FBXO11: variants seen among roughly 807,000 people sequenced by gnomAD.
FBXO11 encodes the protein F-box only protein 11.
A neutral mutation model predicts 117.0 loss-of-function variants in FBXO11; 13 were observed. That is an observed-to-expected ratio of 0.11 (90% CI 0.07 to 0.18). The LOEUF (loss-of-function observed/expected upper bound fraction) is 0.18, where lower values mean the gene tolerates loss of function less well. Ranked by LOEUF, FBXO11 falls within the 10% of genes least tolerant of loss-of-function variation. The pLI, the probability that FBXO11 is intolerant of heterozygous loss-of-function variation, is 1.00. For synonymous variants in FBXO11, 490 were observed against 380.5 expected (o/e 1.29, Z -3.35); for missense variants, 767 against 1,164.4 (o/e 0.66, Z 4.97).
chr2:47,848,243 T>G (rs573373605), intron 1 of FBXO11, among the ~76,000 whole-genome samples: 45 of 152,270 alleles, frequency 3.0e-4, no homozygotes, highest in African/African-American at 1.0e-3. Context: ...AGTTAGGAAC[T>G]GGGCCACCCA....
chr2:47,807,975 C>T lies in FBXO11; in HGVS notation c.*143G>A. 1.4e-6 allele frequency: 1 copy of T among 736,372 alleles called. No homozygotes were observed. 45.6% of individuals were successfully genotyped at this position (736,372 alleles called of 1,614,324 possible). Reference sequence around the variant, plus strand: ...GCCACTTTCTTTTTGGTAGCTTGAGCTTCATAGTGTCAACTGACCTTGTGT... The same window carrying T: ...GCCACTTTCTTTTTGGTAGCTTGAGTTTCATAGTGTCAACTGACCTTGTGT... On this transcript the variant is annotated 3_prime_UTR_variant, in exon 23 of 23. Transcript: ENST00000403359.
At chr2:47,838,025 A>C (rs1672722495) in intron 4 of FBXO11, among the ~76,000 whole-genome samples, 1 of 151,464 alleles carries the variant, frequency 6.6e-6, no homozygotes, top group African/African-American at 2.4e-5. Context: ...CAGGAGTTCA[A>C]GATCAGACTG....
At chr2:47,899,152 T>C (rs1321558749) in intron 1 of FBXO11, among the ~76,000 whole-genome samples, 1 of 151,482 alleles carries the variant, frequency 6.6e-6, no homozygotes, top group Non-Finnish European at 1.5e-5. Flanking sequence ...TGGGCACCTG[T>C]AGTCCCAGCT....
At chr2:47,876,684 A>T (rs1488716769) in intron 1 of FBXO11, among the ~76,000 whole-genome samples, 3 of 152,050 alleles carry the variant, frequency 2.0e-5, no homozygotes, top group South Asian at 4.2e-4. Flanking sequence ...ATGTTTTATG[A>T]TCTGCAATTT....
chr2:47,809,047 CAGTT>C (rs892614307), intron 21 of FBXO11, 107 bp downstream of exon 21: 5 of 619,958 alleles, frequency 8.1e-6, no homozygotes, highest in African/African-American at 3.8e-5. Flanking sequence ...ATAAAATTTT[CAGTT>C]AGTTATAGTC....
chr2:47,824,204 A>G (rs1424653135), intron 11 of FBXO11, among the ~76,000 whole-genome samples: 1 of 152,224 alleles, frequency 6.6e-6, no homozygotes, highest in Non-Finnish European at 1.5e-5. Context: ...ATGTCCCAAC[A>G]AGTCAGCTTC....
chr2:47,873,044 G>C (rs1051586114), intron 1 of FBXO11, among the ~76,000 whole-genome samples: 4 of 152,142 alleles, frequency 2.6e-5, no homozygotes, highest in Admixed American at 1.3e-4. Context: ...TGCTATTGTA[G>C]AGTAATAAAG....
At chr2:47,846,669 T>C (rs1673434537) in intron 1 of FBXO11, among the ~76,000 whole-genome samples, 1 of 152,104 alleles carries the variant, frequency 6.6e-6, no homozygotes, top group Non-Finnish European at 1.5e-5. Flanking sequence ...GCAATCCACA[T>C]ATGTAATTTA....
At chr2:47,809,400 G>GTAAGAA in intron 20 of FBXO11, 134 bp from the exon 21 acceptor site, 1 of 688,694 alleles carries the variant, frequency 1.5e-6, no homozygotes, top group South Asian at 2.1e-5. Flanking sequence ...TGAAGTAATT[G>GTAAGAA]TAAGAAATCA....
intron 11 of FBXO11, among the ~76,000 whole-genome samples, chr2:47,827,522 G>T (rs981982146): frequency 1.3e-5 from 2 of 152,052 alleles, no homozygotes; most frequent in Admixed American, 1.3e-4. Flanking sequence ...GGCCAGGATG[G>T]TCTGGAACTC....
At chr2:47,844,547 T>C (rs2104903760) in intron 1 of FBXO11, among the ~76,000 whole-genome samples, 1 of 152,358 alleles carries the variant, frequency 6.6e-6, no homozygotes, top group East Asian at 1.9e-4. Context: ...CTTACTGTTC[T>C]GATTTTATTT....
chr2:47,811,980 CATTTT>C (rs1275242839), intron 18 of FBXO11, among the ~76,000 whole-genome samples: 3 of 149,894 alleles, frequency 2.0e-5, no homozygotes, highest in East Asian at 4.0e-4. Context: ...CTTATGCTAT[CATTTT>C]AGTTTAGGCT....
At chr2:47,844,291 T>C (rs540141111) in intron 1 of FBXO11, among the ~76,000 whole-genome samples, 14 of 152,350 alleles carry the variant, frequency 9.2e-5, no homozygotes, top group Admixed American at 8.5e-4. Flanking sequence ...TAGATTGTTC[T>C]GTCATTGACT....
chr2:47,838,149 C>A (rs1672733489), intron 4 of FBXO11, among the ~76,000 whole-genome samples: 1 of 151,288 alleles, frequency 6.6e-6, no homozygotes, highest in Non-Finnish European at 1.5e-5. Context: ...GGGAGAATGG[C>A]TTGAGCCCAG....
chr2:47,809,268 T>A lies in FBXO11; in HGVS notation c.2447-2A>T. ...CTTGATTGTTCATTATTTTGTTATC[T>A]GTAATAAAAGAAAGAATAAGTAAAA... On this transcript the variant is annotated splice_acceptor_variant, in intron 20 of 22. Transcript: ENST00000403359. LOFTEE classifies it high-confidence loss of function. The A allele has an allele frequency of 6.5e-7, 1 of 1,528,012 alleles. No individual in the cohort carries two copies. The highest frequency in any genetic ancestry group is 9.0e-7 in the Non-Finnish European group (1 of 1,113,358). 94.7% of individuals were successfully genotyped at this position (1,528,012 alleles called of 1,614,324 possible). A position where few individuals can be genotyped will look rare whatever the true frequency, so the allele number is the denominator to read the frequency against.
At chr2:47,886,301 TC>T (rs1353255641) in intron 1 of FBXO11, among the ~76,000 whole-genome samples, 1 of 151,968 alleles carries the variant, frequency 6.6e-6, no homozygotes, top group East Asian at 1.9e-4. Flanking sequence ...GGTCAGGAGT[TC>T]AAGACCAGCC....
At chr2:47,808,723 CA>C (rs1429183348) in intron 21 of FBXO11, 2 of 335,352 alleles carry the variant, frequency 6.0e-6, no homozygotes, top group South Asian at 7.3e-5. Context: ...CGTGAAGAGT[CA>C]AAACTGTCAC....
Position 47,833,084 on chromosome 2 carries a change from A to G in FBXO11, c.935-14T>C. Reference sequence around the variant, plus strand: ...CTTTCCCAGGTGCTGTGGAGAAGATATTTTAAAGAATATTACCTTTATTCG... The same window carrying G: ...CTTTCCCAGGTGCTGTGGAGAAGATGTTTTAAAGAATATTACCTTTATTCG... On this transcript the variant is annotated splice_polypyrimidine_tract_variant and intron_variant, in intron 7 of 22. Transcript: ENST00000403359. The G allele has an allele frequency of 2.5e-5, 39 of 1,539,688 alleles. No individual in the cohort carries two copies. The highest frequency in any genetic ancestry group is 3.5e-5 in the Non-Finnish European group (39 of 1,114,128).
intron 11 of FBXO11, among the ~76,000 whole-genome samples, chr2:47,830,073 A>T (rs1328933954): frequency 1.3e-5 from 2 of 152,242 alleles, no homozygotes; most frequent in Non-Finnish European, 2.9e-5. Flanking sequence ...AGAACATAGC[A>T]ATATAAATAA....
Sources: gnomAD v4.1 joint callset for allele counts (sites outside exome capture counted in the v4.1 genomes callset) on GRCh38, gnomAD v4.1.1 for gene constraint, MANE v1.5 for transcripts, NCBI Gene and HGNC (gene_info 2026-07-23, HGNC 2026-07-21) for gene names.